SLC24A4: variants seen among roughly 807,000 people sequenced by gnomAD.
SLC24A4 encodes sodium/potassium/calcium exchanger 4.
In SLC24A4, 53 loss-of-function variants were observed where a neutral mutation model predicts 79.0. The ratio of observed to expected loss-of-function variants is 0.67; its 90% confidence interval spans 0.54 to 0.84. The LOEUF (loss-of-function observed/expected upper bound fraction) is 0.84. Among genes scored for constraint, SLC24A4 ranks in the 40% least tolerant of loss-of-function variants. The pLI is 0.00. For missense variants in SLC24A4, 731 were observed against 822.0 expected (o/e 0.89, Z 1.35); for synonymous variants, 323 against 323.8 (o/e 1.00, Z 0.03).
intron 12 of SLC24A4, among the ~76,000 whole-genome samples, chr14:92,468,887 T>G (rs978824815): frequency 8.2e-6 from 1 of 121,686 alleles, no homozygotes. Context: ...TTGCAAATCA[T>G]GTATCTGTGT....
chr14:92,415,983 T>A (rs908467700), intron 2 of SLC24A4, among the ~76,000 whole-genome samples: 5 of 152,174 alleles, frequency 3.3e-5, no homozygotes, highest in African/African-American at 1.2e-4. Flanking sequence ...ATAGTTTAAC[T>A]CCCACTTGTA....
rs535738934 is a variant in SLC24A4 at position 92,455,193 on chromosome 14, A to G, written c.1050+1124A>G. ...CAGAAGGAAGGAATTCTGAGCTTCA[A>G]TCTCACATCAGCCGCTAGCCCACTT... On this transcript the variant is annotated intron_variant, in intron 11 of 16. Transcript: ENST00000532405. Among the ~76,000 whole-genome samples, 40 of 152,336 alleles carry G rather than the reference A, an allele frequency of 2.6e-4. 1 individual carries two copies. The highest frequency in any genetic ancestry group is 5.3e-4 in the Non-Finnish European group (36 of 68,026).
Position 92,344,267 on chromosome 14 carries a change from C to T in SLC24A4, c.241+18289C>T, listed in dbSNP as rs141292333. The stretch of plus-strand genomic sequence containing the variant: ...GGATGGTGTGTTCTAGACGGCACTT[C>T]TCCTTCTGCCTGGATTCTAGAATGG... On this transcript the variant is annotated intron_variant, in intron 2 of 16. Coordinates refer to ENST00000532405, the MANE Select transcript of SLC24A4 (RefSeq NM_153646.4). Among the ~76,000 whole-genome samples the T allele has an allele frequency of 6.6e-5, 10 of 152,320 alleles. No individual in the cohort carries two copies. The East Asian group carries it at 1.7e-3, about 26-fold the overall frequency.
chr14:92,477,438 A>ATCTTTTCC (rs1894828095), intron 12 of SLC24A4, among the ~76,000 whole-genome samples: 1 of 152,116 alleles, frequency 6.6e-6, no homozygotes. Context: ...TTCATGGTCT[A>ATCTTTTCC]TCTTTTCCTT....
chr14:92,453,887 T>C lies in SLC24A4; in HGVS notation c.881-13T>C, dbSNP rs1893298473. On this transcript the variant is annotated splice_polypyrimidine_tract_variant and intron_variant, in intron 10 of 16. Coordinates refer to ENST00000532405, the MANE Select transcript of SLC24A4 (RefSeq NM_153646.4). ...AGAGAGATCAGCACTAATCACGGTG[T>C]TGCGCTCAACAGTGAAGGAGAAGCC... is the stretch of plus-strand genomic sequence containing the variant. The C allele has an allele frequency of 6.2e-7, 1 of 1,603,474 alleles. No homozygotes were observed. The highest frequency in any genetic ancestry group is 8.5e-7 in the Non-Finnish European group (1 of 1,175,276).
chr14:92,330,807 A>G (rs921722308), intron 2 of SLC24A4, among the ~76,000 whole-genome samples: 3 of 152,168 alleles, frequency 2.0e-5, no homozygotes, highest in Non-Finnish European at 4.4e-5. Flanking sequence ...CCATACCCTC[A>G]TGCACTTGTC....
chr14:92,363,472 G>A (rs769182857), intron 2 of SLC24A4, among the ~76,000 whole-genome samples: 2 of 152,220 alleles, frequency 1.3e-5, no homozygotes, highest in Non-Finnish European at 2.9e-5. Context: ...AACAGTCCAG[G>A]TGAACAGCAG....
chr14:92,443,312 C>G (rs1892605451), intron 6 of SLC24A4, 88 bp from the exon 7 acceptor site: 5 of 1,262,432 alleles, frequency 4.0e-6, no homozygotes, highest in Non-Finnish European at 5.7e-6. Flanking sequence ...TGGGCATGCC[C>G]TGCACTGCGG....
chr14:92,373,194 GCA>G (rs955866362), intron 2 of SLC24A4, among the ~76,000 whole-genome samples: 3 of 31,146 alleles, frequency 9.6e-5, no homozygotes, highest in South Asian at 4.8e-3. Context: ...ACACACACAC[GCA>G]CACACACACA....
intron 2 of SLC24A4, among the ~76,000 whole-genome samples, chr14:92,403,967 T>C (rs535216703): frequency 1.3e-5 from 2 of 152,354 alleles, no homozygotes; most frequent in South Asian, 4.1e-4. Context: ...TACTCATCTG[T>C]AATTGATTGA....
At chr14:92,335,528 T>TA (rs1226517651) in intron 2 of SLC24A4, among the ~76,000 whole-genome samples, 1 of 27,552 alleles carries the variant, frequency 3.6e-5, no homozygotes, top group East Asian at 1.3e-3. Flanking sequence ...CTAATTTTTG[T>TA]ATTTTTTTTT....
chr14:92,339,997 A>C (rs1420384444), intron 2 of SLC24A4, among the ~76,000 whole-genome samples: 1 of 152,214 alleles, frequency 6.6e-6, no homozygotes, highest in Non-Finnish European at 1.5e-5. Context: ...CTAGAGGTGC[A>C]AGATGGCAGG....
chr14:92,433,488 G>A (rs955494032), intron 2 of SLC24A4, among the ~76,000 whole-genome samples: 2 of 152,100 alleles, frequency 1.3e-5, no homozygotes, highest in African/African-American at 4.8e-5. Context: ...TGGGTCATAT[G>A]GTCTATGCTT....
intron 12 of SLC24A4, among the ~76,000 whole-genome samples, chr14:92,463,897 C>G (rs1241315070): frequency 6.6e-6 from 1 of 152,144 alleles, no homozygotes; most frequent in East Asian, 1.9e-4. Flanking sequence ...GAGGATCACG[C>G]AATTTGTGGC....
intron 2 of SLC24A4, among the ~76,000 whole-genome samples, chr14:92,343,662 T>C (rs1266884996): frequency 6.6e-5 from 8 of 120,582 alleles, no homozygotes; most frequent in African/African-American, 1.8e-4. Context: ...CTTTCCTTCC[T>C]TCCTTCCTTC....
chr14:92,351,132 C>T (rs943104806), intron 2 of SLC24A4, among the ~76,000 whole-genome samples: 1 of 152,140 alleles, frequency 6.6e-6, no homozygotes, highest in Non-Finnish European at 1.5e-5. Flanking sequence ...GCAGCCCAAA[C>T]TAAGACATAA....
chr14:92,370,026 T>C (rs1454188827), intron 2 of SLC24A4, among the ~76,000 whole-genome samples: 1 of 152,234 alleles, frequency 6.6e-6, no homozygotes, highest in African/African-American at 2.4e-5. Context: ...AGAAAGTAAC[T>C]ATGGTAAGTA....
At chr14:92,484,094 G>A in intron 13 of SLC24A4, 3 of 985,322 alleles carry the variant, frequency 3.0e-6, no homozygotes, top group Non-Finnish European at 3.6e-6. Flanking sequence ...AAGGCCATTG[G>A]GAGAATGAAA....
Position 92,500,544 on chromosome 14 carries a change from A to G in SLC24A4, c.*6916A>G, listed in dbSNP as rs1896120608. Reference sequence around the variant, plus strand: ...TGTGAGTTTTTTCTGGCCACTGGGCATCTCTGCCCTCACTTTTCATCCCTG... The same window carrying G: ...TGTGAGTTTTTTCTGGCCACTGGGCGTCTCTGCCCTCACTTTTCATCCCTG... On this transcript the variant is annotated 3_prime_UTR_variant, in exon 17 of 17. Coordinates refer to ENST00000532405, the MANE Select transcript of SLC24A4 (RefSeq NM_153646.4). 6.6e-6 allele frequency: 1 copy of G among 152,280 alleles called. No homozygotes were observed. Among genetic ancestry groups the G allele is most frequent in the African/African-American group, 2.4e-5 (1 of 41,468 alleles). 9.4% of individuals were successfully genotyped at this position (152,280 alleles called of 1,614,324 possible).
Sources: gnomAD v4.1 joint callset for allele counts (sites outside exome capture counted in the v4.1 genomes callset) on GRCh38, gnomAD v4.1.1 for gene constraint, MANE v1.5 for transcripts, NCBI Gene and HGNC (gene_info 2026-07-23, HGNC 2026-07-21) for gene names.